The following DYNC2I2 variants were observed in gnomAD, a reference collection of about 807,000 sequenced individuals.
DYNC2I2 encodes cytoplasmic dynein 2 intermediate chain 2.
A neutral mutation model predicts 52.0 loss-of-function variants in DYNC2I2; 39 were observed. That is an observed-to-expected ratio of 0.75 (90% CI 0.58 to 0.98). The LOEUF (loss-of-function observed/expected upper bound fraction) is 0.98, where lower values mean the gene tolerates loss of function less well. Ranked by LOEUF, DYNC2I2 falls within the 50% of genes least tolerant of loss-of-function variation. The pLI is 0.00. For missense variants in DYNC2I2, 743 were observed against 728.4 expected (o/e 1.02, Z -0.23); for synonymous variants, 359 against 321.1 (o/e 1.12, Z -1.26).
rs567630140 is a variant in DYNC2I2 at position 128,653,631 on chromosome 9, G to A, written c.186+2910C>T. On this transcript the variant is annotated intron_variant, in intron 1 of 8. Coordinates refer to ENST00000372715, the MANE Select transcript of DYNC2I2 (RefSeq NM_052844.4). The stretch of plus-strand genomic sequence containing the variant: ...CTCGGGAAGCTGAGGCAGGAGAATC[G>A]CTTGAAGCCGGGAGGCGGAAGTTGC... Among the ~76,000 whole-genome samples the A allele has an allele frequency of 9.9e-5, 15 of 150,846 alleles. 1 individual carries two copies. The highest frequency in any genetic ancestry group is 8.3e-4 in the South Asian group (4 of 4,798).
chr9:128,660,807 G>T (rs1176525077), upstream of DYNC2I2, among the ~76,000 whole-genome samples: 1 of 151,902 alleles, frequency 6.6e-6, no homozygotes, highest in Non-Finnish European at 1.5e-5. Context: ...TCGGCTCATT[G>T]CAACCTTCAC....
intron 1 of DYNC2I2, 21 bp from the exon 2 acceptor site, chr9:128,640,960 A>G (rs1348275133): frequency 6.4e-7 from 1 of 1,565,358 alleles, no homozygotes; most frequent in Admixed American, 1.8e-5. Context: ...GGTGAAAACA[A>G]GTGTCACCAC....
At chr9:128,674,133 G>A in the DYNC2I2 span, among the ~76,000 whole-genome samples, 2 of 149,652 alleles carry the variant, frequency 1.3e-5, no homozygotes, top group South Asian at 4.2e-4. Context: ...TTTTTGTTTT[G>A]TGTGTGTGTG....
At chr9:128,643,387 T>G (rs1454308870) in intron 1 of DYNC2I2, among the ~76,000 whole-genome samples, 1 of 151,956 alleles carries the variant, frequency 6.6e-6, no homozygotes, top group Non-Finnish European at 1.5e-5. Flanking sequence ...ATTAGCCAGG[T>G]GCAGTGGCAG....
intron 4 of DYNC2I2, 192 bp downstream of exon 4, chr9:128,636,089 T>G (rs768663530): frequency 1.1e-6 from 1 of 937,912 alleles, no homozygotes; most frequent in South Asian, 1.4e-5. Context: ...CCTGGCCCCC[T>G]TCCAGACTCC....
At chr9:128,634,061 T>C (rs1589427033) in intron 8 of DYNC2I2, 79 bp from the exon 9 acceptor site, 5 of 1,569,112 alleles carry the variant, frequency 3.2e-6, no homozygotes, top group Non-Finnish European at 4.4e-6. Flanking sequence ...AATGCCCGGG[T>C]TCAATCCTGT....
chr9:128,679,556 CG>C, the DYNC2I2 span, among the ~76,000 whole-genome samples: 1 of 151,958 alleles, frequency 6.6e-6, no homozygotes, highest in Non-Finnish European at 1.5e-5. Context: ...CTATACCTCC[CG>C]GGCTCAAGCC....
Position 128,652,601 on chromosome 9 carries a change from C to T in DYNC2I2, c.186+3940G>A, listed in dbSNP as rs542542078. On this transcript the variant is annotated intron_variant, in intron 1 of 8. Transcript: ENST00000372715. The stretch of plus-strand genomic sequence containing the variant: ...TTGTGCCATTGCACTCTAGCCTGGG[C>T]AACAAGAATGAAATTCCGTCTCAAA... Among the ~76,000 whole-genome samples, 316 of 131,178 alleles carry T rather than the reference C, an allele frequency of 2.4e-3. 2 individuals are homozygous for T. Among genetic ancestry groups the T allele is most frequent in the Non-Finnish European group, 4.3e-3 (275 of 64,500 alleles). The allele number at this position is 131,178 out of a possible 152,430, so 86.1% of individuals were successfully genotyped here. A position where few individuals can be genotyped will look rare whatever the true frequency, so the allele number is the denominator to read the frequency against.
At chr9:128,676,951 C>T in the DYNC2I2 span, among the ~76,000 whole-genome samples, 1 of 151,690 alleles carries the variant, frequency 6.6e-6, no homozygotes, top group Admixed American at 6.6e-5. Context: ...TGGGTTCAGG[C>T]CATTCTCCTG....
intron 3 of DYNC2I2, among the ~76,000 whole-genome samples, chr9:128,636,717 G>C (rs759635235): frequency 1.3e-3 from 204 of 152,278 alleles, no homozygotes; most frequent in African/African-American, 4.4e-3. Context: ...CTCCAGGCAG[G>C]GGGGAGGGTG....
rs759672549 is a variant in DYNC2I2 at position 128,640,807 on chromosome 9, T to C, written c.319A>G (p.Arg107Gly). 6.2e-7 allele frequency: 1 copy of C among 1,614,144 alleles called. No individual in the cohort carries two copies. The highest frequency in any genetic ancestry group is 1.7e-5 in the Admixed American group (1 of 60,008). The stretch of plus-strand genomic sequence containing the variant: ...ACTCTCCGAAGAAAGGCTGCGAGCC[T>C]GGGTATGTCATACTGGGACGGGGGC... Reference protein sequence around the residue: ...VQPPSQYDIPRLAAFLRRVEA... With the variant: ...VQPPSQYDIPGLAAFLRRVEA... Residue 107 changes from arginine (R) to glycine (G), a missense_variant, in exon 2 of 9, where the codon AGG (arginine) becomes GGG (glycine). Transcript: ENST00000372715.
At chr9:128,675,470 G>C in the DYNC2I2 span, among the ~76,000 whole-genome samples, 1 of 152,102 alleles carries the variant, frequency 6.6e-6, no homozygotes, top group Admixed American at 6.6e-5. Flanking sequence ...ATGAGCCACC[G>C]AGCCTGGCGG....
chr9:128,656,655 G>A lies in DYNC2I2; in HGVS notation c.72C>T (p.Val24=), dbSNP rs773194503. ...GSAGVAALAT[V]GVASGPGPGR... is the part of the protein sequence containing the mutation. The stretch of plus-strand genomic sequence containing the variant: ...CCGGCCCCGGGCCGCTCGCAACCCC[G>A]ACTGTCGCCAGCGCCGCAACACCAG... Residue 24 remains valine (V), a synonymous_variant, in exon 1 of 9, where the codon GTC becomes GTT. Transcript: ENST00000372715. 2.3e-5 allele frequency: 34 copies of A among 1,510,426 alleles called. No homozygotes were observed. Among genetic ancestry groups the A allele is most frequent in the Non-Finnish European group, 2.9e-5 (33 of 1,138,086 alleles). The allele number at this position is 1,510,426 out of a possible 1,614,324, so 93.6% of individuals were successfully genotyped here. A position where few individuals can be genotyped will look rare whatever the true frequency, so the allele number is the denominator to read the frequency against.
chr9:128,680,895 C>CA, the DYNC2I2 span, among the ~76,000 whole-genome samples: 3 of 151,976 alleles, frequency 2.0e-5, no homozygotes, highest in African/African-American at 7.2e-5. Flanking sequence ...GGGTTGGTCT[C>CA]AAACTCCTGA....
At chr9:128,655,382 G>A (rs1348538242) in intron 1 of DYNC2I2, among the ~76,000 whole-genome samples, 1 of 140,650 alleles carries the variant, frequency 7.1e-6, no homozygotes, top group Non-Finnish European at 1.5e-5. Flanking sequence ...GTGGTGGCGG[G>A]CGCCTGTAGT....
At chr9:128,666,451 A>G in the DYNC2I2 span, among the ~76,000 whole-genome samples, 2 of 151,624 alleles carry the variant, frequency 1.3e-5, no homozygotes, top group Non-Finnish European at 2.9e-5. Context: ...CAGGTTGGTT[A>G]TAAACTGGAA....
chr9:128,680,522 C>T, the DYNC2I2 span, among the ~76,000 whole-genome samples: 2 of 151,498 alleles, frequency 1.3e-5, no homozygotes, highest in Admixed American at 6.6e-5. Flanking sequence ...GGACTACAGG[C>T]GCCCGCCACC....
chr9:128,648,630 A>AC (rs1860663745), intron 1 of DYNC2I2, among the ~76,000 whole-genome samples: 1 of 82,322 alleles, frequency 1.2e-5, no homozygotes, highest in Non-Finnish European at 2.9e-5. Context: ...TACTAAAAAT[A>AC]CAAAAAAAAA....
the DYNC2I2 span, among the ~76,000 whole-genome samples, chr9:128,676,747 G>C: frequency 1.3e-5 from 2 of 151,884 alleles, no homozygotes; most frequent in African/African-American, 2.4e-5. Context: ...TGGCCAGGCT[G>C]GTCTCAAACT....
Sources: allele counts gnomAD v4.1 joint callset (sites outside exome capture counted in the v4.1 genomes callset), GRCh38; gene constraint gnomAD v4.1.1; transcripts MANE v1.5; gene names NCBI Gene and HGNC (gene_info 2026-07-23, HGNC 2026-07-21).